The following PACRG variants were observed in gnomAD, a reference collection of about 807,000 sequenced individuals.
PACRG encodes the protein parkin coregulated gene protein.
A neutral mutation model predicts 29.7 loss-of-function variants in PACRG; 29 were observed. The ratio of observed to expected loss-of-function variants is 0.98; its 90% CI spans 0.73 to 1.33. The LOEUF (loss-of-function observed/expected upper bound fraction) is 1.33. PACRG is among the 40% of genes most tolerant of loss of function. The pLI is 0.00. For missense variants in PACRG, 279 were observed against 316.2 expected (o/e 0.88, Z 0.89); for synonymous variants, 116 against 118.7 (o/e 0.98, Z 0.15).
chr6:162,759,442 G>A (rs1782178338), intron 1 of PACRG, among the ~76,000 whole-genome samples: 1 of 152,170 alleles, frequency 6.6e-6, no homozygotes, highest in Non-Finnish European at 1.5e-5. Context: ...TGGTCATTGA[G>A]AAAATAAGCA....
upstream of PACRG, chr6:162,727,358 G>T: frequency 2.3e-6 from 1 of 441,134 alleles, no homozygotes; most frequent in Non-Finnish European, 4.0e-6. Context: ...GACCCCACAC[G>T]GTCCGGGGGA....
At chr6:162,799,578 C>T (rs9456813) in intron 1 of PACRG, among the ~76,000 whole-genome samples, 81,432 of 151,808 alleles carry the variant, frequency 0.54, 23,066 homozygotes, top group African/African-American at 0.73. Flanking sequence ...GTGTTAACTT[C>T]CTAAGTATTT....
chr6:163,255,434 G>T (rs1404842800), intron 4 of PACRG, among the ~76,000 whole-genome samples: 1 of 152,076 alleles, frequency 6.6e-6, no homozygotes, highest in Non-Finnish European at 1.5e-5. Flanking sequence ...GAGGCAACTG[G>T]ACACCATCCT....
At chr6:162,934,154 C>T (rs1008401242) in intron 2 of PACRG, among the ~76,000 whole-genome samples, 2 of 152,048 alleles carry the variant, frequency 1.3e-5, no homozygotes, top group Admixed American at 1.3e-4. Flanking sequence ...ATCGCAGCTA[C>T]TCGGGGGGCT....
intron 2 of PACRG, among the ~76,000 whole-genome samples, chr6:162,856,028 A>G (rs1231256117): frequency 6.6e-6 from 1 of 152,062 alleles, no homozygotes; most frequent in African/African-American, 2.4e-5. Flanking sequence ...TCAGGTCCAA[A>G]GCTGCGAGTT....
At chr6:162,795,719 T>G (rs1024878683) in intron 1 of PACRG, among the ~76,000 whole-genome samples, 1 of 152,220 alleles carries the variant, frequency 6.6e-6, no homozygotes, top group African/African-American at 2.4e-5. Flanking sequence ...TGTGCAATCC[T>G]TCTATCACAA....
At chr6:163,148,286 T>A (rs1490731355) in intron 4 of PACRG, among the ~76,000 whole-genome samples, 1 of 152,206 alleles carries the variant, frequency 6.6e-6, no homozygotes, top group African/African-American at 2.4e-5. Context: ...CTGAAAACAG[T>A]GTCTGGTATG....
At chr6:163,177,602 G>A (rs534800777) in intron 4 of PACRG, among the ~76,000 whole-genome samples, 1 of 152,122 alleles carries the variant, frequency 6.6e-6, no homozygotes, top group East Asian at 1.9e-4. Context: ...AGGCAACAGG[G>A]CCAAGGTGTG....
At chr6:162,839,301 G>A (rs1789536014) in intron 2 of PACRG, among the ~76,000 whole-genome samples, 1 of 106,646 alleles carries the variant, frequency 9.4e-6, no homozygotes, top group Non-Finnish European at 1.8e-5. Flanking sequence ...GGTGTGAGAT[G>A]GTATCTCATT....
chr6:163,251,334 C>G (rs1562339554), intron 4 of PACRG, among the ~76,000 whole-genome samples: 1 of 152,024 alleles, frequency 6.6e-6, no homozygotes, highest in Non-Finnish European at 1.5e-5. Context: ...ATCATGCAGC[C>G]TTTATTGGGA....
At chr6:163,174,484 A>G (rs747564317) in intron 4 of PACRG, among the ~76,000 whole-genome samples, 1 of 152,200 alleles carries the variant, frequency 6.6e-6, no homozygotes, top group Non-Finnish European at 1.5e-5. Flanking sequence ...TGTTTTTACC[A>G]TAGAGAGACT....
chr6:162,898,878 C>A (rs1391081263), intron 2 of PACRG, among the ~76,000 whole-genome samples: 1 of 152,170 alleles, frequency 6.6e-6, no homozygotes, highest in Non-Finnish European at 1.5e-5. Flanking sequence ...TCCACCAAAT[C>A]TTGATAAAAT....
chr6:163,147,306 A>T (rs1294016934), intron 4 of PACRG, among the ~76,000 whole-genome samples: 2 of 152,236 alleles, frequency 1.3e-5, no homozygotes, highest in Non-Finnish European at 1.5e-5. Flanking sequence ...CAAATATAGA[A>T]AAATGAAAAT....
chr6:163,212,273 G>A (rs1781174082), intron 4 of PACRG, among the ~76,000 whole-genome samples: 1 of 152,142 alleles, frequency 6.6e-6, no homozygotes, highest in Admixed American at 6.5e-5. Context: ...AATGAGCATG[G>A]TTGTAACTAT....
chr6:163,307,794 C>T (rs561606672), intron 4 of PACRG, among the ~76,000 whole-genome samples: 37 of 152,286 alleles, frequency 2.4e-4, no homozygotes, highest in African/African-American at 7.9e-4. Context: ...GATAACTTCA[C>T]GGCTTCTCCC....
At chr6:163,200,924 C>T (rs1251115325) in intron 4 of PACRG, among the ~76,000 whole-genome samples, 1 of 152,144 alleles carries the variant, frequency 6.6e-6, no homozygotes, top group African/African-American at 2.4e-5. Context: ...AACCCAGGCA[C>T]TGGGCCGGAT....
At chr6:163,106,481 A>C (rs1815387733) in intron 4 of PACRG, among the ~76,000 whole-genome samples, 1 of 152,230 alleles carries the variant, frequency 6.6e-6, no homozygotes, top group Non-Finnish European at 1.5e-5. Flanking sequence ...GTTTTTTAAA[A>C]CATCTGAGTG....
chr6:162,793,565 C>G (rs1785127796), intron 1 of PACRG, among the ~76,000 whole-genome samples: 1 of 152,106 alleles, frequency 6.6e-6, no homozygotes, highest in Non-Finnish European at 1.5e-5. Flanking sequence ...CACCATCTAT[C>G]TGGACAAGAA....
chr6:163,079,379 A>G (rs2128288958), intron 3 of PACRG, among the ~76,000 whole-genome samples: 1 of 151,210 alleles, frequency 6.6e-6, no homozygotes, highest in Admixed American at 6.6e-5. Context: ...ATTAGTGCGT[A>G]TTACTTGGAT....
Sources: gnomAD v4.1 joint callset for allele counts (sites outside exome capture counted in the v4.1 genomes callset) on GRCh38, gnomAD v4.1.1 for gene constraint, MANE v1.5 for transcripts, NCBI Gene and HGNC (gene_info 2026-07-23, HGNC 2026-07-21) for gene names.